The following TTC29 variants were observed in gnomAD, a reference collection of about 807,000 sequenced individuals.
The protein encoded by TTC29 is tetratricopeptide repeat domain 29.
TTC29 carries 49 observed loss-of-function variants against 58.1 expected under a neutral mutation model. The observed-to-expected ratio is 0.84, with a 90% CI of 0.67 to 1.07. The LOEUF is 1.07. Among genes scored for constraint, TTC29 ranks in the 50% least tolerant of loss-of-function variants. TTC29 has a pLI of 0.00. For missense variants in TTC29, 582 were observed against 555.6 expected, an observed-to-expected ratio of 1.05 and a Z score of -0.48; for synonymous variants, 209 against 196.8, an observed-to-expected ratio of 1.06 and a Z score of -0.52.
intron 11 of TTC29, among the ~76,000 whole-genome samples, chr4:146,760,249 T>C (rs546234191): frequency 7.5e-4 from 114 of 151,944 alleles, no homozygotes; most frequent in African/African-American, 2.7e-3. Context: ...AAGACCTCTA[T>C]GAGGAAAACT....
At chr4:146,867,472 T>G in intron 8 of TTC29, 26 bp downstream of exon 8, 1 of 1,142,970 alleles carries the variant, frequency 8.7e-7, no homozygotes, top group Non-Finnish European at 1.2e-6. Flanking sequence ...AAATTAAAAA[T>G]GGCAGTGATT....
intron 8 of TTC29, among the ~76,000 whole-genome samples, chr4:146,836,905 A>C (rs1728547700): frequency 6.6e-6 from 1 of 152,148 alleles, no homozygotes; most frequent in Non-Finnish European, 1.5e-5. Context: ...GGGAGTGTAA[A>C]TTAGTTCAAC....
chr4:146,853,819 C>T (rs1233855959), intron 8 of TTC29, among the ~76,000 whole-genome samples: 1 of 152,132 alleles, frequency 6.6e-6, no homozygotes, highest in Non-Finnish European at 1.5e-5. Flanking sequence ...CTATTTTTCA[C>T]ATACAGAAAA....
chr4:146,867,481 T>A lies in TTC29; in HGVS notation c.885+17A>T. The stretch of plus-strand genomic sequence containing the variant: ...AAATAAAAATTAAAAATGGCAGTGA[T>A]TAAAAGTTTAGCTTACTGTTAATGC... On this transcript the variant is annotated intron_variant, in intron 8 of 12. Transcript: ENST00000325106. 7.5e-7 allele frequency: 1 copy of A among 1,340,982 alleles called. No homozygotes were observed. The highest frequency in any genetic ancestry group is 2.7e-5 in the East Asian group (1 of 37,166). 83.1% of individuals were successfully genotyped at this position (1,340,982 alleles called of 1,614,324 possible).
chr4:146,814,945 T>C (rs985107388), intron 10 of TTC29, among the ~76,000 whole-genome samples: 2 of 152,022 alleles, frequency 1.3e-5, no homozygotes, highest in African/African-American at 4.8e-5. Context: ...ACTCCAAGAA[T>C]GTCAATTCGC....
At chr4:146,942,235 G>T (rs895948699) in intron 2 of TTC29, among the ~76,000 whole-genome samples, 2 of 152,114 alleles carry the variant, frequency 1.3e-5, no homozygotes, top group African/African-American at 4.8e-5. Context: ...TGCAGTTAAG[G>T]CATTAAGAGT....
intron 8 of TTC29, among the ~76,000 whole-genome samples, chr4:146,846,589 T>G (rs1729186978): frequency 6.6e-6 from 1 of 152,168 alleles, no homozygotes; most frequent in Admixed American, 6.5e-5. Flanking sequence ...CTAACCTTCT[T>G]CCTTTTGGCC....
At chr4:146,793,152 T>C (rs1326234069) in intron 11 of TTC29, among the ~76,000 whole-genome samples, 1 of 152,232 alleles carries the variant, frequency 6.6e-6, no homozygotes, top group Non-Finnish European at 1.5e-5. Flanking sequence ...ATTTAGTTGA[T>C]AAAACAGTGG....
At chr4:146,764,073 T>C (rs1420279618) in intron 11 of TTC29, 1 of 152,096 alleles carries the variant, frequency 6.6e-6, no homozygotes, top group Admixed American at 6.6e-5. Flanking sequence ...ATGGAGGATA[T>C]ACCCCAAAAG....
chr4:146,718,492 GC>G (rs1743103879), intron 11 of TTC29, among the ~76,000 whole-genome samples: 1 of 152,020 alleles, frequency 6.6e-6, no homozygotes, highest in African/African-American at 2.4e-5. Flanking sequence ...ATGTCTGTTC[GC>G]CACTTATGTC....
intron 11 of TTC29, among the ~76,000 whole-genome samples, chr4:146,777,162 A>G (rs1316080491): frequency 2.6e-5 from 4 of 152,204 alleles, no homozygotes; most frequent in African/African-American, 9.6e-5. Context: ...TATCTCCTGC[A>G]GTCATGGCTC....
chr4:146,732,733 AC>A (rs1444901044), intron 11 of TTC29, among the ~76,000 whole-genome samples: 1 of 152,184 alleles, frequency 6.6e-6, no homozygotes, highest in Non-Finnish European at 1.5e-5. Context: ...AGATGGAGTG[AC>A]AAAGAACTAG....
chr4:146,836,747 C>T (rs1728537440), intron 8 of TTC29, among the ~76,000 whole-genome samples: 1 of 152,124 alleles, frequency 6.6e-6, no homozygotes, highest in South Asian at 2.1e-4. Flanking sequence ...TGGAAAAAAG[C>T]TCAATATCAG....
chr4:146,942,229 G>A (rs1250686644), intron 2 of TTC29, among the ~76,000 whole-genome samples: 2 of 152,150 alleles, frequency 1.3e-5, no homozygotes, highest in East Asian at 3.8e-4. Context: ...ATTTTATGCA[G>A]TTAAGGCATT....
At chr4:146,771,982 T>C (rs956606341) in intron 11 of TTC29, among the ~76,000 whole-genome samples, 1 of 152,214 alleles carries the variant, frequency 6.6e-6, no homozygotes, top group African/African-American at 2.4e-5. Context: ...GTGATTTTAA[T>C]TTACATTTCT....
At chr4:146,875,020 A>T in intron 6 of TTC29, 92 bp from the exon 7 acceptor site, 1 of 888,558 alleles carries the variant, frequency 1.1e-6, no homozygotes, top group South Asian at 1.5e-5. Flanking sequence ...TATTCAATGG[A>T]GAAACACCGA....
intron 11 of TTC29, among the ~76,000 whole-genome samples, chr4:146,731,067 G>A (rs534938794): frequency 6.6e-6 from 1 of 152,294 alleles, no homozygotes; most frequent in South Asian, 2.1e-4. Context: ...TTGAGTAAAT[G>A]AGAATGGATG....
intron 11 of TTC29, among the ~76,000 whole-genome samples, chr4:146,757,394 T>C (rs1411547708): frequency 6.6e-6 from 1 of 152,112 alleles, no homozygotes; most frequent in Non-Finnish European, 1.5e-5. Context: ...GAAATATCTA[T>C]GCGTCTCTCA....
intron 11 of TTC29, among the ~76,000 whole-genome samples, chr4:146,795,346 T>C (rs574144200): frequency 5.9e-4 from 90 of 152,254 alleles, no homozygotes; most frequent in African/African-American, 2.1e-3. Flanking sequence ...TTCTTGTCAT[T>C]AGTGTCTTGC....
Sources: gnomAD v4.1 joint callset for allele counts (sites outside exome capture counted in the v4.1 genomes callset) on GRCh38, gnomAD v4.1.1 for gene constraint, MANE v1.5 for transcripts, NCBI Gene and HGNC (gene_info 2026-07-23, HGNC 2026-07-21) for gene names.